Variants in TYW1 observed in about 807,000 individuals in gnomAD.
The protein encoded by TYW1 is S-adenosyl-L-methionine-dependent tRNA 4-demethylwyosine synthase TYW1.
TYW1 carries 46 observed loss-of-function variants against 96.2 expected under a neutral mutation model. The observed-to-expected ratio is 0.48, with a 90% CI of 0.38 to 0.61. TYW1 has a LOEUF of 0.61. Ranked by LOEUF, TYW1 falls within the 20% of genes least tolerant of loss-of-function variation. The pLI, the probability that TYW1 is intolerant of heterozygous loss-of-function variation, is 0.00. For missense variants in TYW1, 684 were observed against 909.6 expected (o/e 0.75, Z 3.19); for synonymous variants, 274 against 323.0 (o/e 0.85, Z 1.63).
At chr7:67,217,846 CTTTTTTTTT>C (rs57748332) in intron 15 of TYW1, among the ~76,000 whole-genome samples, 1 of 69,234 alleles carries the variant, frequency 1.4e-5, no homozygotes, top group Non-Finnish European at 2.7e-5. Flanking sequence ...GTGTTGATGT[CTTTTTTTTT>C]TTTTTTTTTT....
intron 15 of TYW1, among the ~76,000 whole-genome samples, chr7:67,221,430 T>C (rs1461010942): frequency 6.6e-6 from 1 of 152,214 alleles, no homozygotes; most frequent in African/African-American, 2.4e-5. Flanking sequence ...GATCATATCT[T>C]TTTGTTTATT....
intron 4 of TYW1, among the ~76,000 whole-genome samples, chr7:67,010,558 C>T (rs1317565567): frequency 6.6e-6 from 1 of 151,578 alleles, no homozygotes; most frequent in African/African-American, 2.4e-5. Context: ...TCACTGCAAG[C>T]TCCGCCTCCC....
At chr7:67,049,235 C>A (rs1238585720) in intron 7 of TYW1, among the ~76,000 whole-genome samples, 1 of 152,166 alleles carries the variant, frequency 6.6e-6, no homozygotes, top group Non-Finnish European at 1.5e-5. Flanking sequence ...CAACATATTT[C>A]TTCTCTATTG....
chr7:67,089,197 C>T, intron 11 of TYW1: 4 of 814,748 alleles, frequency 4.9e-6, no homozygotes, highest in Non-Finnish European at 7.0e-6. Context: ...CACCCCTTTC[C>T]CCCTTATATA....
chr7:67,083,351 A>C (rs1338475582), intron 10 of TYW1, 79 bp from the exon 11 acceptor site: 1 of 1,429,142 alleles, frequency 7.0e-7, no homozygotes, highest in Non-Finnish European at 9.7e-7. Context: ...GATTTTTAAA[A>C]ATGGATGACT....
intron 13 of TYW1, among the ~76,000 whole-genome samples, chr7:67,182,378 C>T (rs1172692071): frequency 6.6e-6 from 1 of 152,088 alleles, no homozygotes; most frequent in Non-Finnish European, 1.5e-5. Context: ...GCCTGAATAA[C>T]ATAGCAAGGA....
intron 7 of TYW1, among the ~76,000 whole-genome samples, chr7:67,028,081 CA>C (rs1178148500): frequency 2.1e-5 from 3 of 143,452 alleles, no homozygotes; most frequent in Non-Finnish European, 3.0e-5. Flanking sequence ...CTAAAAAATA[CA>C]AAAAAAATAA....
intron 12 of TYW1, among the ~76,000 whole-genome samples, chr7:67,113,723 C>T (rs896215951): frequency 1.6e-4 from 25 of 151,708 alleles, no homozygotes; most frequent in African/African-American, 5.1e-4. Flanking sequence ...ATGCAGCCTC[C>T]GCCTCCTGGG....
At chr7:67,016,748 C>T (rs1584466579) in intron 5 of TYW1, among the ~76,000 whole-genome samples, 1 of 151,948 alleles carries the variant, frequency 6.6e-6, no homozygotes, top group Admixed American at 6.6e-5. Context: ...CCACCTTAGC[C>T]TACTGAGTAG....
chr7:67,095,150 C>T (rs1429145921), intron 11 of TYW1, among the ~76,000 whole-genome samples: 6 of 151,984 alleles, frequency 3.9e-5, no homozygotes, highest in Admixed American at 1.3e-4. Flanking sequence ...AAGCATGCAC[C>T]ACCACGCCTG....
At chr7:67,010,826 G>A (rs902517615) in intron 4 of TYW1, among the ~76,000 whole-genome samples, 22 of 151,872 alleles carry the variant, frequency 1.4e-4, no homozygotes, top group Admixed American at 1.3e-3. Context: ...GGTGGGTCTC[G>A]AACTCCTGGC....
At chr7:67,020,030 A>G (rs553789705) in intron 6 of TYW1, among the ~76,000 whole-genome samples, 9 of 152,278 alleles carry the variant, frequency 5.9e-5, no homozygotes, top group Non-Finnish European at 1.0e-4. Context: ...CTATGACTGC[A>G]ATGAAATTGG....
At chr7:67,031,320 A>T (rs1322490922) in intron 7 of TYW1, among the ~76,000 whole-genome samples, 3 of 88,706 alleles carry the variant, frequency 3.4e-5, no homozygotes, top group African/African-American at 1.5e-4. Flanking sequence ...TGCAATTCCT[A>T]GTGTAATAAT....
intron 12 of TYW1, among the ~76,000 whole-genome samples, chr7:67,100,457 A>C (rs974602515): frequency 2.6e-5 from 4 of 151,684 alleles, no homozygotes; most frequent in African/African-American, 9.7e-5. Context: ...TGCTCAGTAC[A>C]TGGGTAGTGA....
intron 13 of TYW1, among the ~76,000 whole-genome samples, chr7:67,129,940 A>G (rs1330161386): frequency 6.6e-6 from 1 of 152,170 alleles, no homozygotes; most frequent in Non-Finnish European, 1.5e-5. Context: ...CCATTTATTG[A>G]TGAACCATCT....
At chr7:67,102,303 G>T (rs558374275) in intron 12 of TYW1, among the ~76,000 whole-genome samples, 257 of 152,284 alleles carry the variant, frequency 1.7e-3, no homozygotes, top group Non-Finnish European at 2.7e-3. Context: ...GCCACATTTG[G>T]TAGATGTTAT....
intron 7 of TYW1, among the ~76,000 whole-genome samples, chr7:67,034,413 A>T (rs1280495289): frequency 2.0e-5 from 3 of 152,148 alleles, no homozygotes; most frequent in Non-Finnish European, 4.4e-5. Flanking sequence ...GCCTCCTTTA[A>T]TTTAAAACCC....
intron 6 of TYW1, among the ~76,000 whole-genome samples, chr7:67,023,253 C>T (rs1424020438): frequency 3.9e-5 from 6 of 151,900 alleles, no homozygotes; most frequent in Non-Finnish European, 8.8e-5. Flanking sequence ...CATGCCACCA[C>T]GCTCGGCTAA....
intron 14 of TYW1, among the ~76,000 whole-genome samples, chr7:67,183,746 A>G (rs1277398916): frequency 6.6e-6 from 1 of 152,126 alleles, no homozygotes; most frequent in East Asian, 1.9e-4. Context: ...CACCAAAATT[A>G]TATCATTTAC....
Sources: gnomAD v4.1 joint callset for allele counts (sites outside exome capture counted in the v4.1 genomes callset) on GRCh38, gnomAD v4.1.1 for gene constraint, MANE v1.5 for transcripts, NCBI Gene and HGNC (gene_info 2026-07-23, HGNC 2026-07-21) for gene names.